The following RBM19 variants were observed in gnomAD, a reference collection of about 807,000 sequenced individuals.
The protein encoded by RBM19 is RNA binding motif protein 19.
A neutral mutation model predicts 116.8 loss-of-function variants in RBM19; 94 were observed. The observed-to-expected ratio is 0.80, with a 90% CI of 0.68 to 0.95. RBM19 has a LOEUF of 0.95. Ranked by LOEUF, RBM19 falls within the 40% of genes least tolerant of loss-of-function variation. RBM19 has a pLI of 0.00. For synonymous variants in RBM19, 475 were observed against 494.1 expected (o/e 0.96, Z 0.51); for missense variants, 1,161 against 1,220.7 (o/e 0.95, Z 0.73).
At chr12:113,939,737 A>G (rs4512902) in intron 15 of RBM19, among the ~76,000 whole-genome samples, 100,129 of 150,090 alleles carry the variant, frequency 0.67, 34,190 homozygotes, top group East Asian at 0.98. Context: ...GTGACAGAGC[A>G]AGACTCTGTC....
chr12:113,819,743 G>C (rs1874293938), downstream of RBM19, among the ~76,000 whole-genome samples: 1 of 152,162 alleles, frequency 6.6e-6, no homozygotes. Flanking sequence ...CCACATGCTG[G>C]ATGGAGGAAT....
chr12:113,917,429 T>C (rs1304267024), intron 20 of RBM19, among the ~76,000 whole-genome samples: 1 of 152,308 alleles, frequency 6.6e-6, no homozygotes, highest in African/African-American at 2.4e-5. Flanking sequence ...CCTTCTGTTA[T>C]ACTGGCAGCT....
At chr12:113,846,286 A>G (rs1403826066) in intron 22 of RBM19, among the ~76,000 whole-genome samples, 1 of 152,178 alleles carries the variant, frequency 6.6e-6, no homozygotes, top group Non-Finnish European at 1.5e-5. Context: ...GAAGAATCAT[A>G]TAACTGGAAG....
At chr12:113,962,153 T>C (rs1166607669) in intron 2 of RBM19, 79 bp downstream of exon 2, 2 of 1,531,532 alleles carry the variant, frequency 1.3e-6, no homozygotes, top group East Asian at 4.5e-5. Flanking sequence ...GGGACGGTCT[T>C]TGAACTCAAG....
chr12:113,955,166 C>CAGT lies in RBM19; in HGVS notation c.885_886insACT (p.Thr295dup). 3 of 1,614,166 alleles carry CAGT rather than the reference C, an allele frequency of 1.9e-6. No homozygotes were observed. Among genetic ancestry groups the CAGT allele is most frequent in the Non-Finnish European group, 2.5e-6 (3 of 1,180,018 alleles). On this transcript the variant is annotated inframe_insertion, in exon 7 of 24. Coordinates refer to ENST00000261741, the MANE Select transcript of RBM19 (RefSeq NM_016196.4). ...TTGAACGGGGCTCCCCGCAGCTTCA[C>CAGT]GGTGTGGCAGGTGGTGGGTTCCTTC...
intron 18 of RBM19, among the ~76,000 whole-genome samples, chr12:113,923,150 T>A (rs909301599): frequency 6.6e-6 from 1 of 152,002 alleles, no homozygotes; most frequent in Non-Finnish European, 1.5e-5. Flanking sequence ...TAAAAATAAA[T>A]TAAATGCAGT....
At chr12:113,875,377 G>A (rs1311242243) in intron 21 of RBM19, among the ~76,000 whole-genome samples, 3 of 152,210 alleles carry the variant, frequency 2.0e-5, no homozygotes, top group Non-Finnish European at 2.9e-5. Flanking sequence ...CAAAGAACTC[G>A]ATTCAATTAC....
chr12:113,942,595 T>A (rs1037062008), intron 13 of RBM19, among the ~76,000 whole-genome samples, 161 bp from the exon 14 acceptor site: 55 of 28,386 alleles, frequency 1.9e-3, no homozygotes, highest in Non-Finnish European at 3.1e-3. Context: ...GGCTCTGTGC[T>A]TTTTTTTTTT....
intron 23 of RBM19, among the ~76,000 whole-genome samples, chr12:113,841,403 G>C (rs1183547578): frequency 6.6e-6 from 1 of 151,892 alleles, no homozygotes; most frequent in Non-Finnish European, 1.5e-5. Flanking sequence ...GTGACGGCCT[G>C]GGACTTTCTT....
At chr12:113,946,944 T>C (rs141095702) in intron 11 of RBM19, among the ~76,000 whole-genome samples, 586 of 152,388 alleles carry the variant, frequency 3.8e-3, no homozygotes, top group Non-Finnish European at 6.5e-3. Context: ...TTGGTAACAC[T>C]GGGAAAAGAG....
Position 113,825,276 on chromosome 12 carries a change from C to T in RBM19, c.2786-1955G>A, listed in dbSNP as rs1874759077. On this transcript the variant is annotated intron_variant, in intron 23 of 23. Coordinates refer to ENST00000261741, the MANE Select transcript of RBM19 (RefSeq NM_016196.4). This position sits in a 1 kb window ranked among gnomAD's most constrained non-coding sequence, Gnocchi z 5.7. ...GCCCACCTGCCTGCCACCTGAGAGC[C>T]TCAAGGCCTTGCAGCTCTACCCATC... 6.6e-6 allele frequency among the ~76,000 whole-genome samples: 1 copy of T among 151,444 alleles called. No homozygotes were observed. The highest frequency in any genetic ancestry group is 1.5e-5 in the Non-Finnish European group (1 of 67,868).
chr12:113,885,324 G>A (rs1443054184), intron 21 of RBM19, among the ~76,000 whole-genome samples: 2 of 152,154 alleles, frequency 1.3e-5, no homozygotes, highest in African/African-American at 2.4e-5. Flanking sequence ...AAACCCAATC[G>A]GGGAACTTCT....
intron 21 of RBM19, among the ~76,000 whole-genome samples, chr12:113,885,821 A>G (rs138071094): frequency 6.6e-6 from 1 of 151,716 alleles, no homozygotes. Flanking sequence ...TTAAGTTAAA[A>G]TAAGTTTAAC....
At chr12:113,832,397 C>T (rs566383770) in intron 23 of RBM19, among the ~76,000 whole-genome samples, 2 of 152,266 alleles carry the variant, frequency 1.3e-5, no homozygotes, top group South Asian at 4.1e-4. Context: ...GCTGTGTTGG[C>T]CAGGCTGCTC....
chr12:113,831,445 C>T (rs1242156706), intron 23 of RBM19, among the ~76,000 whole-genome samples: 1 of 152,224 alleles, frequency 6.6e-6, no homozygotes, highest in Non-Finnish European at 1.5e-5. Flanking sequence ...CACCCTTCCT[C>T]CTGTCCCTGT....
intron 11 of RBM19, among the ~76,000 whole-genome samples, chr12:113,947,036 T>C (rs953293939): frequency 6.6e-5 from 10 of 152,222 alleles, no homozygotes; most frequent in African/African-American, 2.2e-4. Context: ...TAAGGTGGTA[T>C]CTATAGAGAT....
downstream of RBM19, among the ~76,000 whole-genome samples, chr12:113,821,071 T>C (rs1874382539): frequency 6.6e-6 from 1 of 152,146 alleles, no homozygotes; most frequent in Admixed American, 6.5e-5. Context: ...ATTTTAAAGA[T>C]GAGGAGACTG....
chr12:113,954,972 T>C (rs1440187520), intron 7 of RBM19, among the ~76,000 whole-genome samples, 159 bp downstream of exon 7: 1 of 152,192 alleles, frequency 6.6e-6, no homozygotes, highest in African/African-American at 2.4e-5. Context: ...ACCCTGACGA[T>C]GCCGGAGATG....
intron 17 of RBM19, 34 bp from the exon 18 acceptor site, chr12:113,924,791 T>C (rs1468826384): frequency 1.3e-6 from 2 of 1,512,402 alleles, no homozygotes; most frequent in East Asian, 4.5e-5. Context: ...CATCAGCAGC[T>C]CTAAACCACT....
Sources: gnomAD v4.1 joint callset for allele counts (sites outside exome capture counted in the v4.1 genomes callset) on GRCh38, gnomAD v4.1.1 for gene constraint, Gnocchi (gnomAD v3.1) non-coding constraint, MANE v1.5 for transcripts, NCBI Gene and HGNC (gene_info 2026-07-23, HGNC 2026-07-21) for gene names.